The following UNC79 variants were observed in gnomAD, a reference collection of about 807,000 sequenced individuals.
UNC79 encodes the protein unc-79 subunit of NALCN channel complex.
UNC79 carries 37 observed loss-of-function variants against 283.1 expected under a neutral mutation model. That is an observed-to-expected ratio of 0.13 (90% CI 0.10 to 0.17). UNC79 has a LOEUF of 0.17. Ranked by LOEUF, UNC79 falls within the 10% of genes least tolerant of loss-of-function variation. The pLI is 1.00. For synonymous variants in UNC79, 1,107 were observed against 1,200.2 expected (o/e 0.92, Z 1.61); for missense variants, 2,272 against 3,211.1 (o/e 0.71, Z 7.07).
intron 1 of UNC79, among the ~76,000 whole-genome samples, chr14:93,398,972 A>T (rs1333807161): frequency 6.6e-6 from 1 of 152,180 alleles, no homozygotes; most frequent in African/African-American, 2.4e-5. Context: ...ATTTATAAAC[A>T]AAGGAGGTTT....
At chr14:93,521,149 A>G (rs1158377848) in intron 7 of UNC79, among the ~76,000 whole-genome samples, 1 of 151,988 alleles carries the variant, frequency 6.6e-6, no homozygotes, top group African/African-American at 2.4e-5. Context: ...GTTTAACCCT[A>G]TTACTAAGAA....
chr14:93,681,302 C>T (rs1290117859), intron 41 of UNC79, among the ~76,000 whole-genome samples: 1 of 152,212 alleles, frequency 6.6e-6, no homozygotes, highest in East Asian at 1.9e-4. Context: ...TGGAGGACGC[C>T]CCTCCCACAC....
chr14:93,603,881 A>G (rs2065696248), intron 26 of UNC79, among the ~76,000 whole-genome samples: 1 of 152,192 alleles, frequency 6.6e-6, no homozygotes, highest in Non-Finnish European at 1.5e-5. Flanking sequence ...AAGACAAACC[A>G]ATAATAATGA....
Position 93,477,551 on chromosome 14 carries a change from T to C in UNC79, c.449-7T>C. The C allele has an allele frequency of 6.4e-7, 1 of 1,572,714 alleles. No individual in the cohort carries two copies. The highest frequency in any genetic ancestry group is 2.3e-5 in the East Asian group (1 of 43,656). ...TCAGTGACTGATTACTCAATTTTGT[T>C]TTGTAGATCTTGGACAGTCGATATT... On this transcript the variant is annotated splice_region_variant and splice_polypyrimidine_tract_variant and intron_variant, in intron 3 of 48. Coordinates refer to ENST00000555664, the Ensembl canonical transcript of UNC79.
intron 32 of UNC79, among the ~76,000 whole-genome samples, chr14:93,638,143 A>C (rs2068678703): frequency 6.6e-6 from 1 of 152,222 alleles, no homozygotes; most frequent in African/African-American, 2.4e-5. Context: ...AAAGCAGAAT[A>C]CCCAGAAAGA....
intron 7 of UNC79, among the ~76,000 whole-genome samples, chr14:93,497,951 T>C (rs1022476904): frequency 5.3e-5 from 8 of 150,536 alleles, no homozygotes; most frequent in African/African-American, 2.0e-4. Flanking sequence ...GCACCACTGC[T>C]CTCCAGCCTG....
intron 7 of UNC79, among the ~76,000 whole-genome samples, chr14:93,522,132 C>T (rs1444123042): frequency 6.6e-6 from 1 of 151,894 alleles, no homozygotes; most frequent in Non-Finnish European, 1.5e-5. Flanking sequence ...CCATTATCCA[C>T]AAAAAAGCAT....
Position 93,474,031 on chromosome 14 carries a change from G to A in UNC79, c.144-58G>A. ...ATTTGTTTTAGAGTGTCATTTCAAT[G>A]TAATGTGCTGTTCTTTGTGTCTTTG... On this transcript the variant is annotated intron_variant, in intron 2 of 48. Coordinates refer to ENST00000555664, the Ensembl canonical transcript of UNC79. This position sits in a 1 kb window ranked among gnomAD's most constrained non-coding sequence, Gnocchi z 4.1. 6.8e-7 allele frequency: 1 copy of A among 1,463,582 alleles called. No homozygotes were observed. Among genetic ancestry groups the A allele is most frequent in the Non-Finnish European group, 9.0e-7 (1 of 1,109,036 alleles). 90.7% of individuals were successfully genotyped at this position (1,463,582 alleles called of 1,614,324 possible).
chr14:93,586,340 A>G (rs1014115709), intron 20 of UNC79, among the ~76,000 whole-genome samples: 1 of 152,204 alleles, frequency 6.6e-6, no homozygotes. Context: ...AGCTCCAGGG[A>G]GCCAAAGACA....
chr14:93,500,981 C>T (rs2059252436), intron 7 of UNC79, among the ~76,000 whole-genome samples: 1 of 152,108 alleles, frequency 6.6e-6, no homozygotes, highest in African/African-American at 2.4e-5. Flanking sequence ...TCTTAGGAAC[C>T]AGCAACTTTT....
At chr14:93,660,063 T>C (rs1353058033) in intron 39 of UNC79, among the ~76,000 whole-genome samples, 2 of 152,218 alleles carry the variant, frequency 1.3e-5, no homozygotes, top group Non-Finnish European at 2.9e-5. Flanking sequence ...CCGTGTCTCA[T>C]TCACTTTTGT....
intron 14 of UNC79, among the ~76,000 whole-genome samples, chr14:93,563,642 C>T (rs1394551960): frequency 2.6e-5 from 4 of 151,976 alleles, no homozygotes; most frequent in Admixed American, 6.5e-5. Context: ...TGGTGAGTGG[C>T]GATTAGGCCT....
chr14:93,526,173 T>C (rs76173627), intron 8 of UNC79, among the ~76,000 whole-genome samples: 2,654 of 152,294 alleles, frequency 0.017, 38 homozygotes, highest in South Asian at 0.072. Context: ...TTTTCTATTT[T>C]AATTCTACAC....
chr14:93,371,851 C>G (rs559915842), intron 1 of UNC79, among the ~76,000 whole-genome samples: 2 of 150,968 alleles, frequency 1.3e-5, no homozygotes, highest in African/African-American at 4.9e-5. Context: ...AAAAAAAAAA[C>G]CAAAAAAAAC....
At chr14:93,685,332 A>C (rs982464660) in intron 42 of UNC79, among the ~76,000 whole-genome samples, 2 of 152,246 alleles carry the variant, frequency 1.3e-5, no homozygotes, top group Non-Finnish European at 1.5e-5. Context: ...GTGAAAGGTC[A>C]GAGAAAATGG....
intron 1 of UNC79, among the ~76,000 whole-genome samples, chr14:93,466,377 C>A (rs1252395199): frequency 2.0e-5 from 3 of 152,212 alleles, no homozygotes; most frequent in Non-Finnish European, 4.4e-5. Flanking sequence ...TTCACGTGGA[C>A]ATAATTTCAG....
At position 93,347,103 on chromosome 14, in the gene UNC79, C is replaced by G. The variant is rs1461556633; in HGVS notation, c.-351+13580C>G. 21 of 645,050 alleles carry G rather than the reference C, an allele frequency of 3.3e-5. No homozygotes were observed. In the East Asian group the frequency reaches 6.1e-4, roughly 19 times the overall value. The allele number at this position is 645,050 out of a possible 1,614,324, so 40.0% of individuals were successfully genotyped here. ...GGTGAGCGGAAGAGGCGGGGCAGAG[C>G]AGGAGGTGCTGGGCAGAAGGGGTGG... is the stretch of plus-strand genomic sequence containing the variant. On this transcript the variant is annotated intron_variant, in intron 1 of 49. Transcript: ENST00000256339.
At chr14:93,624,035 T>C (rs888572383) in intron 30 of UNC79, among the ~76,000 whole-genome samples, 2 of 152,208 alleles carry the variant, frequency 1.3e-5, no homozygotes, top group African/African-American at 4.8e-5. Flanking sequence ...CCCCTCATAT[T>C]ATACAGGAAG....
chr14:93,382,107 G>GTATCTA (rs2054676465), intron 1 of UNC79, among the ~76,000 whole-genome samples: 1 of 152,272 alleles, frequency 6.6e-6, no homozygotes, highest in African/African-American at 2.4e-5. Context: ...GTCTGTATCT[G>GTATCTA]TATCTATTTA....
Sources: gnomAD v4.1 joint callset for allele counts (sites outside exome capture counted in the v4.1 genomes callset) on GRCh38, gnomAD v4.1.1 for gene constraint, Gnocchi (gnomAD v3.1) non-coding constraint, MANE v1.5 for transcripts, NCBI Gene and HGNC (gene_info 2026-07-23, HGNC 2026-07-21) for gene names.